RAMP1: variants seen among roughly 807,000 people sequenced by gnomAD.
RAMP1 encodes the protein receptor activity-modifying protein 1.
In RAMP1, 7 loss-of-function variants were observed where a neutral mutation model predicts 8.2. The observed-to-expected ratio is 0.85, with a 90% CI of 0.49 to 1.60. The LOEUF (loss-of-function observed/expected upper bound fraction) is 1.60, where lower values mean the gene tolerates loss of function less well. RAMP1 is among the 40% of genes most tolerant of loss of function. The pLI, the probability that RAMP1 is intolerant of heterozygous loss-of-function variation, is 0.00. For missense variants in RAMP1, 192 were observed against 202.4 expected (o/e 0.95, Z 0.31); for synonymous variants, 92 against 84.7 (o/e 1.09, Z -0.47).
intron 2 of RAMP1, 80 bp from the exon 3 acceptor site, chr2:237,911,448 C>G (rs1025402400): frequency 1.3e-5 from 20 of 1,552,338 alleles, no homozygotes; most frequent in Non-Finnish European, 1.7e-5. Flanking sequence ...TGAGGGGCCA[C>G]GGTGCAGCAG....
intron 2 of RAMP1, among the ~76,000 whole-genome samples, chr2:237,902,750 A>G (rs1443289058): frequency 3.9e-5 from 6 of 152,246 alleles, no homozygotes; most frequent in Non-Finnish European, 8.8e-5. Context: ...TGCCCCAGAC[A>G]CCAGGCACGG....
At chr2:237,894,052 C>G (rs775750553) in intron 2 of RAMP1, among the ~76,000 whole-genome samples, 7 of 142,630 alleles carry the variant, frequency 4.9e-5, no homozygotes, top group Non-Finnish European at 9.0e-5. Context: ...TCACTGCAAC[C>G]TCCGCCTCCC....
At position 237,865,579 on chromosome 2, in the gene RAMP1, T is replaced by C. The variant is rs941397110; in HGVS notation, c.52+5852T>C. 1.3e-5 allele frequency among the ~76,000 whole-genome samples: 2 copies of C among 152,194 alleles called. No individual in the cohort carries two copies. The highest frequency in any genetic ancestry group is 4.8e-5 in the African/African-American group (2 of 41,448). ...GGCAGCCCCGTCCTCAGCAGCCACA[T>C]GGGGTTCAGCGTTCCCCTTGGATTC... is the stretch of plus-strand genomic sequence containing the variant. On this transcript the variant is annotated intron_variant, in intron 1 of 2. Coordinates refer to ENST00000254661, the MANE Select transcript of RAMP1 (RefSeq NM_005855.4). This position sits in a 1 kb window ranked among gnomAD's most constrained non-coding sequence, Gnocchi z 4.2.
At chr2:237,882,793 G>A (rs2062384146) in intron 2 of RAMP1, among the ~76,000 whole-genome samples, 1 of 152,044 alleles carries the variant, frequency 6.6e-6, no homozygotes, top group African/African-American at 2.4e-5. Context: ...CACAAATAGG[G>A]TGAGAGGCGC....
chr2:237,863,516 G>C (rs1301739758), intron 1 of RAMP1, among the ~76,000 whole-genome samples: 3 of 152,194 alleles, frequency 2.0e-5, no homozygotes, highest in Non-Finnish European at 4.4e-5. Context: ...CACCATAGGA[G>C]GGCTCCCAGC....
At chr2:237,889,275 T>C (rs1344150118) in intron 2 of RAMP1, among the ~76,000 whole-genome samples, 1 of 152,238 alleles carries the variant, frequency 6.6e-6, no homozygotes, top group East Asian at 1.9e-4. Flanking sequence ...GTCGTCTCAA[T>C]TGTGAGAGTC....
At chr2:237,869,666 T>C (rs2062225574) in intron 1 of RAMP1, among the ~76,000 whole-genome samples, 1 of 152,236 alleles carries the variant, frequency 6.6e-6, no homozygotes, top group Non-Finnish European at 1.5e-5. Context: ...CATTCATCCA[T>C]GGACACGTGG....
chr2:237,885,714 C>A (rs2062421784), intron 2 of RAMP1, among the ~76,000 whole-genome samples: 1 of 152,232 alleles, frequency 6.6e-6, no homozygotes, highest in Non-Finnish European at 1.5e-5. Flanking sequence ...ACCATCGCTC[C>A]TGCCGTGCCC....
chr2:237,910,189 C>T (rs1370342253), intron 2 of RAMP1, among the ~76,000 whole-genome samples: 1 of 152,066 alleles, frequency 6.6e-6, no homozygotes, highest in Non-Finnish European at 1.5e-5. Flanking sequence ...GGTTCACACA[C>T]ACAGAATAAC....
intron 1 of RAMP1, among the ~76,000 whole-genome samples, chr2:237,876,758 A>G (rs911532679): frequency 1.3e-5 from 2 of 152,042 alleles, no homozygotes; most frequent in Non-Finnish European, 2.9e-5. Context: ...GGCTCGAGGC[A>G]GGAGGAGGGA....
chr2:237,906,988 G>A (rs2062659921), intron 2 of RAMP1, among the ~76,000 whole-genome samples: 2 of 152,130 alleles, frequency 1.3e-5, no homozygotes, highest in African/African-American at 4.8e-5. Context: ...CTCCCAAAGT[G>A]CTGGAATCAC....
chr2:237,899,471 G>C (rs1475264318), intron 2 of RAMP1, among the ~76,000 whole-genome samples: 2 of 152,196 alleles, frequency 1.3e-5, no homozygotes, highest in Non-Finnish European at 2.9e-5. Context: ...TTTCTCAAAT[G>C]CCTTCTCAAT....
At position 237,911,844 on chromosome 2, in the gene RAMP1, G is replaced by T; in HGVS notation, c.*61G>T. On this transcript the variant is annotated 3_prime_UTR_variant, in exon 3 of 3. Coordinates refer to ENST00000254661, the MANE Select transcript of RAMP1 (RefSeq NM_005855.4). ...GCAGGGTGAGGCCAGGCAGGCCTGGGTAGGGGCAGCTTCTGGAGCCTTGGG... is the reference window on the plus strand; with the variant it reads ...GCAGGGTGAGGCCAGGCAGGCCTGGTTAGGGGCAGCTTCTGGAGCCTTGGG... 1 of 1,525,340 alleles carries T rather than the reference G, an allele frequency of 6.6e-7. No homozygotes were observed. Among genetic ancestry groups the T allele is most frequent in the Non-Finnish European group, 8.8e-7 (1 of 1,132,316 alleles). 94.5% of individuals were successfully genotyped at this position (1,525,340 alleles called of 1,614,324 possible). A position where few individuals can be genotyped will look rare whatever the true frequency, so the allele number is the denominator to read the frequency against.
chr2:237,899,674 T>C (rs1421865752), intron 2 of RAMP1, among the ~76,000 whole-genome samples: 1 of 152,236 alleles, frequency 6.6e-6, no homozygotes, highest in Non-Finnish European at 1.5e-5. Flanking sequence ...ATCTGTTCCG[T>C]CCGTGTGCGC....
intron 2 of RAMP1, among the ~76,000 whole-genome samples, chr2:237,909,649 C>G (rs1027082593): frequency 1.3e-5 from 2 of 152,160 alleles, no homozygotes; most frequent in African/African-American, 2.4e-5. Flanking sequence ...TCAGTTTCCT[C>G]TGCTGCAAGA....
chr2:237,883,981 G>A (rs995755251), intron 2 of RAMP1, among the ~76,000 whole-genome samples: 2 of 142,526 alleles, frequency 1.4e-5, no homozygotes, highest in African/African-American at 5.5e-5. Flanking sequence ...TGGGACCTTG[G>A]CTGCCCGGCA....
rs984044714 is a variant in RAMP1, at chr2:237,879,485, T to TTTA, written c.191+2140_191+2142dup. On this transcript the variant is annotated intron_variant, in intron 2 of 2. Transcript: ENST00000254661. Reference sequence around the variant, plus strand: ...GGGAGTTGCTGGGAATTTTCGTTTTTTTATTATTATTATTATTATGATACT... The same window carrying TTTA: ...GGGAGTTGCTGGGAATTTTCGTTTTTTTATTATTATTATTATTATTATGATACT... Among the ~76,000 whole-genome samples, 466 of 138,792 alleles carry TTTA rather than the reference T, an allele frequency of 3.4e-3. 2 individuals are homozygous for TTTA. The highest frequency in any genetic ancestry group is 0.012 in the African/African-American group (421 of 34,036). 91.1% of individuals were successfully genotyped at this position (138,792 alleles called of 152,430 possible). A position where few individuals can be genotyped will look rare whatever the true frequency, so the allele number is the denominator to read the frequency against.
intron 2 of RAMP1, among the ~76,000 whole-genome samples, chr2:237,904,241 G>A (rs1231572477): frequency 2.8e-5 from 4 of 144,096 alleles, no homozygotes; most frequent in Non-Finnish European, 4.6e-5. Context: ...GTGAAACCCC[G>A]TCTCTACTAA....
At chr2:237,904,679 A>T (rs2062636566) in intron 2 of RAMP1, among the ~76,000 whole-genome samples, 1 of 152,256 alleles carries the variant, frequency 6.6e-6, no homozygotes, top group Non-Finnish European at 1.5e-5. Flanking sequence ...CTGACAATTT[A>T]GACACACATT....
Sources: gnomAD v4.1 joint callset for allele counts (sites outside exome capture counted in the v4.1 genomes callset) on GRCh38, gnomAD v4.1.1 for gene constraint, Gnocchi (gnomAD v3.1) non-coding constraint, MANE v1.5 for transcripts, NCBI Gene and HGNC (gene_info 2026-07-23, HGNC 2026-07-21) for gene names.